The following GPC6 variants were observed in gnomAD, a reference collection of about 807,000 sequenced individuals.
The protein encoded by GPC6 is glypican 6.
Under a neutral mutation model 55.2 loss-of-function variants are expected in GPC6, and 14 were observed. That is an observed-to-expected ratio of 0.25 (90% CI 0.17 to 0.40). The LOEUF (loss-of-function observed/expected upper bound fraction) is 0.40, where lower values mean the gene tolerates loss of function less well. Ranked by LOEUF, GPC6 falls within the 10% of genes least tolerant of loss-of-function variation. GPC6 has a pLI of 1.00. For missense variants in GPC6, 641 were observed against 708.5 expected, an observed-to-expected ratio of 0.90 and a Z score of 1.08; for synonymous variants, 278 against 259.6, an observed-to-expected ratio of 1.07 and a Z score of -0.68.
chr13:94,256,870 C>A (rs1397789278), intron 4 of GPC6, among the ~76,000 whole-genome samples: 1 of 152,106 alleles, frequency 6.6e-6, no homozygotes, highest in Non-Finnish European at 1.5e-5. Context: ...TTAGACTGAA[C>A]AAAATTTCTT....
At chr13:93,654,082 A>G (rs1880546254) in intron 2 of GPC6, among the ~76,000 whole-genome samples, 1 of 152,110 alleles carries the variant, frequency 6.6e-6, no homozygotes, top group African/African-American at 2.4e-5. Flanking sequence ...AGAAGAAATA[A>G]CGGTTAGTTG....
intron 2 of GPC6, among the ~76,000 whole-genome samples, chr13:93,805,475 A>T (rs1446686657): frequency 6.6e-6 from 1 of 152,144 alleles, no homozygotes; most frequent in East Asian, 1.9e-4. Flanking sequence ...TTAAAAGATT[A>T]TTATATTTTT....
intron 1 of GPC6, among the ~76,000 whole-genome samples, chr13:93,499,090 G>GTC (rs1880418486): frequency 2.7e-5 from 1 of 36,370 alleles, no homozygotes; most frequent in Non-Finnish European, 5.4e-5. Flanking sequence ...ATCCTTAATT[G>GTC]TCACACACAC....
intron 2 of GPC6, among the ~76,000 whole-genome samples, chr13:93,578,660 A>G (rs1270427972): frequency 2.7e-5 from 4 of 147,640 alleles, no homozygotes; most frequent in Non-Finnish European, 4.5e-5. Context: ...TTTTCCTGCA[A>G]TTTTTAAGTC....
intron 1 of GPC6, among the ~76,000 whole-genome samples, chr13:93,338,815 TA>T (rs900327904): frequency 2.0e-5 from 3 of 152,188 alleles, no homozygotes; most frequent in Non-Finnish European, 4.4e-5. Flanking sequence ...TATATCAATA[TA>T]TTTTTTTAAA....
intron 1 of GPC6, among the ~76,000 whole-genome samples, chr13:93,287,591 A>G (rs1164499045): frequency 6.6e-6 from 1 of 152,244 alleles, no homozygotes; most frequent in East Asian, 1.9e-4. Context: ...GAGATGTGCA[A>G]TTGAGTAATG....
intron 6 of GPC6, among the ~76,000 whole-genome samples, chr13:94,307,532 C>T (rs1045116951): frequency 1.3e-5 from 2 of 152,066 alleles, no homozygotes; most frequent in African/African-American, 4.8e-5. Context: ...AGGCTGGTCT[C>T]GAACTCTTGA....
chr13:93,675,604 T>G (rs1337127697), intron 2 of GPC6, among the ~76,000 whole-genome samples: 1 of 152,208 alleles, frequency 6.6e-6, no homozygotes, highest in Non-Finnish European at 1.5e-5. Context: ...TGCATACATT[T>G]TAGTTCATTT....
chr13:93,473,963 G>A (rs1427950972), intron 1 of GPC6, among the ~76,000 whole-genome samples: 1 of 152,154 alleles, frequency 6.6e-6, no homozygotes, highest in Non-Finnish European at 1.5e-5. Context: ...ACCCACTGCT[G>A]CCACTGCTGC....
chr13:94,277,288 T>C (rs1160672130), intron 4 of GPC6, among the ~76,000 whole-genome samples: 2 of 148,168 alleles, frequency 1.3e-5, no homozygotes, highest in African/African-American at 5.0e-5. Flanking sequence ...TTTTTTTTTT[T>C]CTTGTACATT....
At chr13:94,281,031 G>C (rs1410447619) in intron 4 of GPC6, among the ~76,000 whole-genome samples, 1 of 152,020 alleles carries the variant, frequency 6.6e-6, no homozygotes, top group African/African-American at 2.4e-5. Context: ...CTCCATGAAG[G>C]CAGCACCATG....
At chr13:93,636,028 A>G (rs1217492780) in intron 2 of GPC6, among the ~76,000 whole-genome samples, 5 of 152,116 alleles carry the variant, frequency 3.3e-5, no homozygotes, top group Admixed American at 2.6e-4. Context: ...CCCTTGAGAG[A>G]GAGAGAGCAC....
At chr13:93,838,548 T>C (rs1050727460) in intron 3 of GPC6, among the ~76,000 whole-genome samples, 1 of 152,140 alleles carries the variant, frequency 6.6e-6, no homozygotes, top group Non-Finnish European at 1.5e-5. Context: ...TTGAAGAGCA[T>C]CACGTGAGCT....
intron 4 of GPC6, among the ~76,000 whole-genome samples, chr13:94,166,707 C>T (rs1314572438): frequency 2.6e-5 from 4 of 152,136 alleles, no homozygotes; most frequent in Admixed American, 6.6e-5. Context: ...TAATACAATA[C>T]ATATTTTAAT....
At chr13:93,781,092 A>G (rs1047698603) in intron 2 of GPC6, among the ~76,000 whole-genome samples, 3 of 151,816 alleles carry the variant, frequency 2.0e-5, no homozygotes, top group African/African-American at 4.8e-5. Context: ...CCTGACCAAC[A>G]TGGTGAAACC....
chr13:94,327,916 A>G (rs1864538643), intron 6 of GPC6, among the ~76,000 whole-genome samples: 1 of 152,122 alleles, frequency 6.6e-6, no homozygotes, highest in Admixed American at 6.5e-5. Flanking sequence ...GCCACATTGC[A>G]CACCTGGAGA....
chr13:93,630,671 T>C (rs1879389571), intron 2 of GPC6, among the ~76,000 whole-genome samples: 1 of 152,198 alleles, frequency 6.6e-6, no homozygotes, highest in Non-Finnish European at 1.5e-5. Flanking sequence ...GTATTTTCTA[T>C]AACTAGTCAT....
intron 6 of GPC6, among the ~76,000 whole-genome samples, chr13:94,332,520 T>C (rs1053715873): frequency 3.3e-5 from 5 of 152,202 alleles, no homozygotes; most frequent in African/African-American, 4.8e-5. Context: ...CTGTACATAG[T>C]TTTTGTTGCC....
chr13:94,202,562 A>G (rs966043208), intron 4 of GPC6, among the ~76,000 whole-genome samples: 3 of 152,154 alleles, frequency 2.0e-5, no homozygotes, highest in Admixed American at 2.0e-4. Context: ...CCATGATTCA[A>G]TTATCTCCCA....
Sources: gnomAD v4.1 joint callset for allele counts (sites outside exome capture counted in the v4.1 genomes callset) on GRCh38, gnomAD v4.1.1 for gene constraint, MANE v1.5 for transcripts, NCBI Gene and HGNC (gene_info 2026-07-23, HGNC 2026-07-21) for gene names.